Variants in COA1 observed in about 807,000 individuals in gnomAD.
COA1 encodes the protein cytochrome c oxidase assembly factor 1 homolog.
COA1 carries 13 observed loss-of-function variants against 16.0 expected under a neutral mutation model. The observed-to-expected ratio is 0.81, with a 90% CI of 0.53 to 1.29. The LOEUF is 1.29. Ranked by LOEUF, COA1 falls within the 50% of genes most tolerant of loss-of-function variation. COA1 has a pLI of 0.00. For missense variants in COA1, 179 were observed against 177.0 expected (o/e 1.01, Z -0.06); for synonymous variants, 65 against 65.7 (o/e 0.99, Z 0.05).
intron 1 of COA1, among the ~76,000 whole-genome samples, chr7:43,690,351 C>T (rs1264430972): frequency 6.6e-6 from 1 of 152,020 alleles, no homozygotes; most frequent in Non-Finnish European, 1.5e-5. Context: ...ACTATGGAAC[C>T]AGCCCAAATG....
At chr7:43,728,131 C>G (rs918003438) in intron 1 of COA1, among the ~76,000 whole-genome samples, 1 of 152,064 alleles carries the variant, frequency 6.6e-6, no homozygotes, top group African/African-American at 2.4e-5. Context: ...CCCGCCACCA[C>G]GCCCGGCTAA....
At chr7:43,653,599 G>A (rs1381714111) in intron 1 of COA1, among the ~76,000 whole-genome samples, 2 of 152,016 alleles carry the variant, frequency 1.3e-5, no homozygotes, top group Admixed American at 6.6e-5. Context: ...AAGGCTTACC[G>A]TAACCCTTTA....
chr7:43,676,419 A>G (rs1194414211), intron 1 of COA1, among the ~76,000 whole-genome samples: 5 of 152,178 alleles, frequency 3.3e-5, no homozygotes, highest in Non-Finnish European at 7.4e-5. Context: ...ATTCAGCCAC[A>G]AAAAAAGAAT....
chr7:43,723,787 C>T (rs1187843757), intron 1 of COA1, among the ~76,000 whole-genome samples: 2 of 152,006 alleles, frequency 1.3e-5, no homozygotes, highest in Admixed American at 6.6e-5. Context: ...ATTAGCCCGG[C>T]GTGGTGGCAT....
At position 43,639,669 on chromosome 7, in the gene COA1, G is replaced by A. The variant is rs944819150; in HGVS notation, c.354C>T (p.Asp118=). 1.2e-5 allele frequency: 20 copies of A among 1,613,608 alleles called. No individual in the cohort carries two copies. Among genetic ancestry groups the A allele is most frequent in the African/African-American group, 9.3e-5 (7 of 74,914 alleles). The change falls in exon 6 of 6, where the codon GAC becomes GAT. Residue 118 remains aspartate (D), a synonymous_variant. Coordinates refer to ENST00000223336, the MANE Select transcript of COA1 (RefSeq NM_018224.4). ...CATCCTTGAGCTCTAAAAAGACCTC[G>A]TCAAGGTGCCACCTGAGAGAAACCA... ...RGGPFQRWHL[D]EVFLELKDGQ... is the part of the protein sequence containing the mutation.
chr7:43,623,671 T>C (rs746153794), intron 6 of COA1: 3 of 1,603,330 alleles, frequency 1.9e-6, no homozygotes, highest in Non-Finnish European at 2.6e-6. Context: ...GAAATGAGTA[T>C]GGTACTAAAT....
At chr7:43,629,465 A>G (rs1264840715) in intron 6 of COA1, among the ~76,000 whole-genome samples, 2 of 152,208 alleles carry the variant, frequency 1.3e-5, no homozygotes, top group African/African-American at 4.8e-5. Context: ...TTCAGTGCAG[A>G]GATCCTATAT....
chr7:43,624,249 G>A (rs2084247158), intron 6 of COA1, among the ~76,000 whole-genome samples: 1 of 152,126 alleles, frequency 6.6e-6, no homozygotes, highest in South Asian at 2.1e-4. Flanking sequence ...CTAATCTCTA[G>A]CAGATACTTC....
At chr7:43,688,838 C>G (rs186478907) in intron 1 of COA1, among the ~76,000 whole-genome samples, 140 of 152,280 alleles carry the variant, frequency 9.2e-4, no homozygotes, top group Non-Finnish European at 9.9e-4. Flanking sequence ...ATAATACTTT[C>G]TAGAATTTTC....
At chr7:43,720,833 C>T (rs777563935) in intron 1 of COA1, among the ~76,000 whole-genome samples, 8 of 152,190 alleles carry the variant, frequency 5.3e-5, no homozygotes, top group Non-Finnish European at 1.0e-4. Flanking sequence ...GGGTTAGCTT[C>T]GAAAACCTAT....
chr7:43,646,515 C>A, intron 3 of COA1: 1 of 455,392 alleles, frequency 2.2e-6, no homozygotes, highest in South Asian at 1.6e-5. Flanking sequence ...AGAGCTGGAG[C>A]CGAGATTCAA....
chr7:43,627,104 C>T (rs765415019), intron 6 of COA1, among the ~76,000 whole-genome samples: 1 of 152,122 alleles, frequency 6.6e-6, no homozygotes, highest in Non-Finnish European at 1.5e-5. Context: ...TGAGTTTACT[C>T]GGTTTATAAA....
At chr7:43,616,170 G>C (rs1453630735) in intron 6 of COA1, among the ~76,000 whole-genome samples, 1 of 152,168 alleles carries the variant, frequency 6.6e-6, no homozygotes, top group Non-Finnish European at 1.5e-5. Flanking sequence ...TATCTCCTCT[G>C]TAATTTTCCA....
At chr7:43,715,020 A>T (rs1358759792) in intron 1 of COA1, among the ~76,000 whole-genome samples, 3 of 111,372 alleles carry the variant, frequency 2.7e-5, no homozygotes, top group Non-Finnish European at 4.8e-5. Flanking sequence ...AAAAAAAAAA[A>T]AAAAAAAAAA....
At chr7:43,647,781 T>C (rs10271871) in intron 2 of COA1, 147 bp from the exon 3 acceptor site, 110,636 of 643,646 alleles carry the variant, frequency 0.17, 11,071 homozygotes, top group Non-Finnish European at 0.21. Flanking sequence ...CCTTTCCAAA[T>C]GCCAGGGTTG....
chr7:43,684,483 T>C (rs1469248233), intron 1 of COA1, among the ~76,000 whole-genome samples: 1 of 152,092 alleles, frequency 6.6e-6, no homozygotes, highest in Non-Finnish European at 1.5e-5. Flanking sequence ...GAAAACAAGG[T>C]GAAGGCTGCA....
intron 1 of COA1, among the ~76,000 whole-genome samples, chr7:43,700,022 C>T (rs1227291402): frequency 6.6e-6 from 1 of 151,778 alleles, no homozygotes; most frequent in Admixed American, 6.6e-5. Context: ...TTAGTGTCCT[C>T]GTTAAAAAAT....
At chr7:43,688,878 A>AT (rs1233220493) in intron 1 of COA1, among the ~76,000 whole-genome samples, 1 of 152,262 alleles carries the variant, frequency 6.6e-6, no homozygotes, top group Non-Finnish European at 1.5e-5. Context: ...TAATCTTAAT[A>AT]TAGTGATATG....
At chr7:43,618,365 C>A (rs918604915) in intron 6 of COA1, among the ~76,000 whole-genome samples, 1 of 152,052 alleles carries the variant, frequency 6.6e-6, no homozygotes, top group African/African-American at 2.4e-5. Context: ...AAAGGCAGTA[C>A]GTGTGTAAAG....
Sources: allele counts gnomAD v4.1 joint callset (sites outside exome capture counted in the v4.1 genomes callset), GRCh38; gene constraint gnomAD v4.1.1; transcripts MANE v1.5; gene names NCBI Gene and HGNC (gene_info 2026-07-23, HGNC 2026-07-21).